The following GTSF1 variants were observed in gnomAD, a reference collection of about 807,000 sequenced individuals.
GTSF1 encodes gametocyte specific factor 1.
Under a neutral mutation model 28.9 loss-of-function variants are expected in GTSF1, and 11 were observed. The ratio of observed to expected loss-of-function variants is 0.38; its 90% CI spans 0.24 to 0.63. The LOEUF is 0.63. GTSF1 is among the 30% of genes least tolerant of loss of function. The pLI, the probability that GTSF1 is intolerant of heterozygous loss-of-function variation, is 0.56. For missense variants in GTSF1, 146 were observed against 201.0 expected (o/e 0.73, Z 1.66); for synonymous variants, 69 against 65.6 (o/e 1.05, Z -0.25).
intron 8 of GTSF1, among the ~76,000 whole-genome samples, chr12:54,456,891 C>T (rs1323047218): frequency 6.6e-6 from 1 of 152,098 alleles, no homozygotes; most frequent in African/African-American, 2.4e-5. Flanking sequence ...TCGAGACTGG[C>T]CTGGCCAACA....
intron 2 of GTSF1, among the ~76,000 whole-genome samples, chr12:54,469,729 C>T (rs1193977567): frequency 6.7e-6 from 1 of 150,206 alleles, no homozygotes; most frequent in African/African-American, 2.4e-5. Flanking sequence ...TGCTCTGTCA[C>T]CCAGCCTGGG....
intron 2 of GTSF1, among the ~76,000 whole-genome samples, chr12:54,467,138 TG>T (rs1956529275): frequency 6.6e-6 from 1 of 152,156 alleles, no homozygotes; most frequent in Non-Finnish European, 1.5e-5. Context: ...CATTCCCCAC[TG>T]CCCCCAGCTC....
chr12:54,465,315 C>A, intron 2 of GTSF1, 148 bp from the exon 3 acceptor site: 1 of 486,306 alleles, frequency 2.1e-6, no homozygotes, highest in Non-Finnish European at 3.7e-6. Flanking sequence ...AAAAGGGTGA[C>A]TACACTTTTA....
intron 2 of GTSF1, among the ~76,000 whole-genome samples, chr12:54,467,357 C>T (rs1956534119): frequency 6.6e-6 from 1 of 151,552 alleles, no homozygotes; most frequent in African/African-American, 2.4e-5. Context: ...CACTGTTATC[C>T]AGGCTGGAGT....
At chr12:54,458,533 G>A (rs953727607) in intron 8 of GTSF1, among the ~76,000 whole-genome samples, 2 of 151,928 alleles carry the variant, frequency 1.3e-5, no homozygotes, top group African/African-American at 4.8e-5. Context: ...CACCACGCCC[G>A]GCTAATTTTT....
chr12:54,469,350 T>C (rs979117018), intron 2 of GTSF1, among the ~76,000 whole-genome samples: 17 of 152,098 alleles, frequency 1.1e-4, no homozygotes, highest in Non-Finnish European at 1.8e-4. Context: ...GTGTTGGGAT[T>C]ACGGGCCTGA....
At chr12:54,465,299 T>TA (rs935653707) in intron 2 of GTSF1, 132 bp from the exon 3 acceptor site, 234 of 491,618 alleles carry the variant, frequency 4.8e-4, no homozygotes, top group South Asian at 8.6e-4. Context: ...AAACTTGGAT[T>TA]AAAAAAAAAG....
At position 54,465,136 on chromosome 12, in the gene GTSF1, T is replaced by C. The variant is rs764907722; in HGVS notation, c.48A>G (p.Gln16=). The change falls in exon 3 of 9, where the codon CAA becomes CAG. Residue 16 remains glutamine, a synonymous_variant. Transcript: ENST00000305879. The part of the protein sequence containing the change: ...TDSLDPEKLL[Q]CPYDKNHQIR... ...TTTGATGGTTTTTGTCATAGGGGCA[T>C]TGCAATAGCTTCTCAGGGTCCAGGG... 31 of 1,613,432 alleles carry C rather than the reference T, an allele frequency of 1.9e-5. No individual in the cohort carries two copies. The highest frequency in any genetic ancestry group is 3.3e-5 in the South Asian group (3 of 91,082).
At chr12:54,459,968 C>T (rs1054677272) in intron 7 of GTSF1, among the ~76,000 whole-genome samples, 8 of 150,188 alleles carry the variant, frequency 5.3e-5, no homozygotes, top group East Asian at 2.0e-4. Flanking sequence ...CCTCGTGATC[C>T]GCCCGCCTCG....
At chr12:54,457,729 G>GATA (rs1956357359) in intron 8 of GTSF1, among the ~76,000 whole-genome samples, 1 of 152,204 alleles carries the variant, frequency 6.6e-6, no homozygotes, top group African/African-American at 2.4e-5. Flanking sequence ...TAGCTGGGAT[G>GATA]ATAGGTGCAT....
intron 8 of GTSF1, among the ~76,000 whole-genome samples, chr12:54,456,879 G>A (rs1227670093): frequency 2.0e-5 from 3 of 152,156 alleles, no homozygotes; most frequent in Admixed American, 2.0e-4. Context: ...GAGGTCAGGA[G>A]TTCGAGACTG....
intron 8 of GTSF1, 128 bp downstream of exon 8, chr12:54,458,961 A>G (rs1956377136): frequency 6.8e-6 from 4 of 591,912 alleles, no homozygotes; most frequent in Non-Finnish European, 1.2e-5. Context: ...ATACTTAAAA[A>G]ACACATGCAC....
chr12:54,462,120 A>C lies in GTSF1; in HGVS notation c.381T>G (p.Ser127=). The part of the protein sequence containing the change: ...TPFVWGTTHY[S]DNNSPASNIV... ...ACTATTTCATTTACCTGTTGTTGTC[A>C]GAGTAGTGAGTTGTGCCCCAGACAA... Residue 127 remains serine, a synonymous_variant, in exon 6 of 9, where the codon TCT becomes TCG. Transcript: ENST00000305879. 3 of 1,612,898 alleles carry C rather than the reference A, an allele frequency of 1.9e-6. No individual in the cohort carries two copies. Among genetic ancestry groups the C allele is most frequent in the African/African-American group, 1.3e-5 (1 of 75,024 alleles).
intron 4 of GTSF1, among the ~76,000 whole-genome samples, chr12:54,462,942 TTTA>T (rs1956447980): frequency 6.6e-6 from 1 of 152,176 alleles, no homozygotes; most frequent in Non-Finnish European, 1.5e-5. Flanking sequence ...CAATAAAAGA[TTTA>T]TTTTTAGATG....
At chr12:54,459,297 A>G in intron 7 of GTSF1, 172 bp from the exon 8 acceptor site, 1 of 1,438,766 alleles carries the variant, frequency 7.0e-7, no homozygotes. Flanking sequence ...GGAAAAGAAA[A>G]TAGACCTTTA....
chr12:54,459,526 A>C, intron 7 of GTSF1: 1 of 1,071,108 alleles, frequency 9.3e-7, no homozygotes. Context: ...TCTATGTGGA[A>C]ATTTCATTAT....
chr12:54,467,635 T>G (rs1181189664), intron 2 of GTSF1, among the ~76,000 whole-genome samples: 4 of 151,708 alleles, frequency 2.6e-5, no homozygotes, highest in Non-Finnish European at 5.9e-5. Context: ...TCTTCTGTCT[T>G]GCAATTTGCT....
chr12:54,472,099 A>T (rs1290868116), intron 1 of GTSF1: 1 of 151,952 alleles, frequency 6.6e-6, no homozygotes, highest in East Asian at 1.9e-4. Context: ...GTTCTATTAT[A>T]AAGCTTTCCT....
chr12:54,462,889 GAAGA>G (rs1426825815), intron 4 of GTSF1, among the ~76,000 whole-genome samples, 164 bp from the exon 5 acceptor site: 2 of 152,180 alleles, frequency 1.3e-5, no homozygotes, highest in Admixed American at 6.5e-5. Flanking sequence ...TTTGCTGACA[GAAGA>G]AAGAAAAGCA....
Sources: allele counts gnomAD v4.1 joint callset (sites outside exome capture counted in the v4.1 genomes callset), GRCh38; gene constraint gnomAD v4.1.1; transcripts MANE v1.5; gene names NCBI Gene and HGNC (gene_info 2026-07-23, HGNC 2026-07-21).